ADAMTSL1: variants seen among roughly 807,000 people sequenced by gnomAD.
ADAMTSL1 encodes the protein ADAMTS like 1.
A neutral mutation model predicts 201.8 loss-of-function variants in ADAMTSL1; 126 were observed. The ratio of observed to expected loss-of-function variants is 0.62; its 90% CI spans 0.54 to 0.72. The LOEUF is 0.72. Among genes scored for constraint, ADAMTSL1 ranks in the 30% least tolerant of loss-of-function variants. The pLI, the probability that ADAMTSL1 is intolerant of heterozygous loss-of-function variation, is 0.00. For missense variants in ADAMTSL1, 2,679 were observed against 2,277.8 expected (o/e 1.18, Z -3.59); for synonymous variants, 1,121 against 903.4 (o/e 1.24, Z -4.32).
At position 18,661,973 on chromosome 9, in the gene ADAMTSL1, A is replaced by T. The variant is rs1484456320; in HGVS notation, c.985A>T (p.Ser329Cys). The T allele has an allele frequency of 6.2e-7, 1 of 1,614,006 alleles. No individual in the cohort carries two copies. Among genetic ancestry groups the T allele is most frequent in the Admixed American group, 1.7e-5 (1 of 60,024 alleles). The change falls in exon 9 of 29, where the codon AGC becomes TGC. Residue 329 changes from serine to cysteine, a missense_variant. Transcript: ENST00000380548. ...ATCGGCTGAGTGCTACGATCTGAGG[A>T]GCAACCGTGTGGTTGCTGACCAATA... ...LTSAECYDLRSNRVVADQYCH... is the reference protein window; with the variant it reads ...LTSAECYDLRCNRVVADQYCH...
chr9:18,463,824 G>A (rs1009492552), intron 2 of ADAMTSL1, among the ~76,000 whole-genome samples: 9 of 152,130 alleles, frequency 5.9e-5, no homozygotes, highest in Admixed American at 2.0e-4. Context: ...GAACATGGGC[G>A]TACAAATATC....
At chr9:18,012,722 C>G (rs1820103075) in intron 1 of ADAMTSL1, among the ~76,000 whole-genome samples, 1 of 151,944 alleles carries the variant, frequency 6.6e-6, no homozygotes. Context: ...TGGGGAGTCC[C>G]CTAGAATACT....
chr9:18,799,121 TC>T (rs769657526), intron 20 of ADAMTSL1, among the ~76,000 whole-genome samples: 56 of 152,302 alleles, frequency 3.7e-4, no homozygotes, highest in Non-Finnish European at 4.9e-4. Context: ...ACAAAATTCC[TC>T]CCTCTAAATT....
chr9:18,736,278 G>C (rs528336604), intron 15 of ADAMTSL1, among the ~76,000 whole-genome samples: 2 of 152,114 alleles, frequency 1.3e-5, no homozygotes, highest in African/African-American at 4.8e-5. Context: ...CCATTTGTTC[G>C]CAAGTGAGGG....
At chr9:18,560,150 A>C (rs1194907385) in intron 3 of ADAMTSL1, among the ~76,000 whole-genome samples, 1 of 152,150 alleles carries the variant, frequency 6.6e-6, no homozygotes, top group Non-Finnish European at 1.5e-5. Flanking sequence ...TGGGTTTTTC[A>C]TAAATAACTC....
chr9:18,626,317 G>A lies in ADAMTSL1; in HGVS notation c.601+3948G>A, dbSNP rs901376183. The stretch of plus-strand genomic sequence containing the variant: ...GCTGCCAGCCACAGGTGATGCAGGG[G>A]AGCTGCAATTTTCAGTAAATTAATA... On this transcript the variant is annotated intron_variant, in intron 5 of 28. Transcript: ENST00000380548. Among the ~76,000 whole-genome samples the A allele has an allele frequency of 3.9e-5, 6 of 152,190 alleles. No homozygotes were observed. In the East Asian group the frequency reaches 7.7e-4, roughly 20 times the overall value.
intron 1 of ADAMTSL1, among the ~76,000 whole-genome samples, chr9:18,090,695 A>G (rs557472556): frequency 6.6e-6 from 1 of 152,308 alleles, no homozygotes; most frequent in South Asian, 2.1e-4. Flanking sequence ...AACAATATGA[A>G]TATACTTAAT....
chr9:18,039,435 G>C (rs557344325), intron 1 of ADAMTSL1, among the ~76,000 whole-genome samples: 12 of 152,160 alleles, frequency 7.9e-5, no homozygotes, highest in African/African-American at 2.9e-4. Flanking sequence ...ATTATAATAA[G>C]TCAACAGTGT....
chr9:18,210,077 C>T (rs1394776725), intron 2 of ADAMTSL1, among the ~76,000 whole-genome samples: 1 of 151,980 alleles, frequency 6.6e-6, no homozygotes, highest in East Asian at 1.9e-4. Flanking sequence ...ACCTTTGTTT[C>T]TGATGCCTTC....
chr9:18,643,488 C>G (rs570381666), intron 7 of ADAMTSL1, among the ~76,000 whole-genome samples: 1 of 151,960 alleles, frequency 6.6e-6, no homozygotes, highest in Non-Finnish European at 1.5e-5. Flanking sequence ...AAAAATTGCC[C>G]AGACCAATTG....
intron 1 of ADAMTSL1, among the ~76,000 whole-genome samples, chr9:18,124,853 T>G (rs572628587): frequency 1.8e-4 from 27 of 152,300 alleles, no homozygotes; most frequent in African/African-American, 6.5e-4. Context: ...TTTTCTTTCC[T>G]TTGAGAATGT....
chr9:18,661,827 A>G, intron 8 of ADAMTSL1, 108 bp from the exon 9 acceptor site: 1 of 1,166,842 alleles, frequency 8.6e-7, no homozygotes, highest in Admixed American at 3.0e-5. Flanking sequence ...GGAAATGACT[A>G]AGGCATTGGG....
chr9:18,598,318 G>A (rs560488694), intron 4 of ADAMTSL1, among the ~76,000 whole-genome samples: 1 of 152,232 alleles, frequency 6.6e-6, no homozygotes, highest in Non-Finnish European at 1.5e-5. Flanking sequence ...CTAGCAAGTG[G>A]CAAAGCCAGA....
intron 2 of ADAMTSL1, among the ~76,000 whole-genome samples, chr9:18,189,251 T>C (rs1828869304): frequency 6.6e-6 from 1 of 152,142 alleles, no homozygotes; most frequent in African/African-American, 2.4e-5. Context: ...ATTGAGATCG[T>C]AGAGAAAATT....
chr9:18,836,237 A>G (rs185640656), intron 23 of ADAMTSL1, among the ~76,000 whole-genome samples: 12 of 152,144 alleles, frequency 7.9e-5, no homozygotes, highest in African/African-American at 2.6e-4. Context: ...TCTTCTTTTG[A>G]GAAATGTCTG....
chr9:18,127,481 A>AACACACACACACACAC (rs112886805), intron 1 of ADAMTSL1, among the ~76,000 whole-genome samples: 49 of 146,242 alleles, frequency 3.4e-4, no homozygotes, highest in African/African-American at 1.2e-3. Flanking sequence ...GCACATACAC[A>AACACACACACACACAC]ACACACACAC....
chr9:18,222,580 C>G (rs1222526374), intron 2 of ADAMTSL1, among the ~76,000 whole-genome samples: 2 of 148,976 alleles, frequency 1.3e-5, no homozygotes, highest in East Asian at 3.9e-4. Context: ...TTGTTTTTAT[C>G]TCATAAATTA....
chr9:18,551,792 T>C (rs1455266989), intron 3 of ADAMTSL1, among the ~76,000 whole-genome samples: 1 of 151,764 alleles, frequency 6.6e-6, no homozygotes, highest in African/African-American at 2.4e-5. Flanking sequence ...ACTATAAGCA[T>C]TTACTTTTGT....
intron 1 of ADAMTSL1, among the ~76,000 whole-genome samples, chr9:18,113,056 T>C (rs527921300): frequency 6.6e-6 from 1 of 152,130 alleles, no homozygotes. Context: ...TAGAAGGTTG[T>C]AGGGATTAGG....
Sources: gnomAD v4.1 joint callset for allele counts (sites outside exome capture counted in the v4.1 genomes callset) on GRCh38, gnomAD v4.1.1 for gene constraint, MANE v1.5 for transcripts, NCBI Gene and HGNC (gene_info 2026-07-23, HGNC 2026-07-21) for gene names.